Variants in SLC25A12 observed in about 807,000 individuals in gnomAD.
SLC25A12 encodes the protein electrogenic aspartate/glutamate antiporter SLC25A12, mitochondrial.
A neutral mutation model predicts 83.3 loss-of-function variants in SLC25A12; 32 were observed. The ratio of observed to expected loss-of-function variants is 0.38; its 90% CI spans 0.29 to 0.52. The LOEUF (loss-of-function observed/expected upper bound fraction) is 0.52, where lower values mean the gene tolerates loss of function less well. SLC25A12 is among the 20% of genes least tolerant of loss of function. The pLI is 0.84. For missense variants in SLC25A12, 611 were observed against 835.6 expected (o/e 0.73, Z 3.31); for synonymous variants, 267 against 291.1 (o/e 0.92, Z 0.84).
chr2:171,867,368 G>A (rs1309022627), intron 3 of SLC25A12, among the ~76,000 whole-genome samples: 2 of 151,188 alleles, frequency 1.3e-5, no homozygotes, highest in Non-Finnish European at 3.0e-5. Flanking sequence ...AACCAGACTC[G>A]GTCTGCAATC....
chr2:171,800,301 G>T (rs1038132136), intron 13 of SLC25A12, among the ~76,000 whole-genome samples: 1 of 146,946 alleles, frequency 6.8e-6, no homozygotes. Flanking sequence ...TAAAATGTAC[G>T]CAAAAGACTT....
intron 13 of SLC25A12, among the ~76,000 whole-genome samples, chr2:171,807,007 T>C (rs937659903): frequency 6.6e-6 from 1 of 152,228 alleles, no homozygotes; most frequent in African/African-American, 2.4e-5. Flanking sequence ...AAAGAGAGAC[T>C]CATTCTTTTT....
At chr2:171,789,448 T>C (rs900369846) in intron 15 of SLC25A12, among the ~76,000 whole-genome samples, 24 of 152,104 alleles carry the variant, frequency 1.6e-4, no homozygotes, top group Admixed American at 5.2e-4. Context: ...CAGGATGGTC[T>C]CGATCTCCTG....
chr2:171,822,180 G>A lies in SLC25A12; in HGVS notation c.930+4618C>T, dbSNP rs190907241. Among the ~76,000 whole-genome samples, 136 of 152,234 alleles carry A rather than the reference G, an allele frequency of 8.9e-4. 2 individuals are homozygous for A. Among genetic ancestry groups the A allele is most frequent in the Admixed American group, 5.9e-3 (91 of 15,302 alleles). On this transcript the variant is annotated intron_variant, in intron 9 of 17. Coordinates refer to ENST00000422440, the MANE Select transcript of SLC25A12 (RefSeq NM_003705.5). ...CTTCTACCTAATGGAAGTAGATGAGGGTAGATTAAGCAGTTGTGTCACATA... is the reference window on the plus strand; with the variant it reads ...CTTCTACCTAATGGAAGTAGATGAGAGTAGATTAAGCAGTTGTGTCACATA...
intron 5 of SLC25A12, among the ~76,000 whole-genome samples, chr2:171,838,745 G>A (rs1040372415): frequency 6.6e-6 from 1 of 152,128 alleles, no homozygotes; most frequent in Admixed American, 6.6e-5. Flanking sequence ...TTAAAGATAC[G>A]TATTTGAAGG....
rs2105895662 is a variant in SLC25A12, at chr2:171,844,633, T to C, written c.326-125A>G. 23 of 677,250 alleles carry C rather than the reference T, an allele frequency of 3.4e-5. No individual in the cohort carries two copies. The South Asian group carries it at 4.2e-4, about 12-fold the overall frequency. 42.0% of individuals were successfully genotyped at this position (677,250 alleles called of 1,614,324 possible). A position where few individuals can be genotyped will look rare whatever the true frequency, so the allele number is the denominator to read the frequency against. On this transcript the variant is annotated intron_variant, in intron 4 of 17. Coordinates refer to ENST00000422440, the MANE Select transcript of SLC25A12 (RefSeq NM_003705.5). ...TCAATATCATCTGCTTCTATTAAAA[T>C]AACTGCAATTTTTTTGTGTGCCCAG...
At chr2:171,853,999 T>C (rs1684991994) in intron 4 of SLC25A12, among the ~76,000 whole-genome samples, 1 of 152,246 alleles carries the variant, frequency 6.6e-6, no homozygotes, top group African/African-American at 2.4e-5. Flanking sequence ...CACAGGGCAC[T>C]GTCACTAACT....
chr2:171,830,083 A>G (rs1428536245), intron 8 of SLC25A12, among the ~76,000 whole-genome samples: 4 of 152,256 alleles, frequency 2.6e-5, no homozygotes, highest in South Asian at 2.1e-4. Context: ...AAATATACCA[A>G]TCTGGACCCT....
chr2:171,812,509 A>G (rs1427585967), intron 11 of SLC25A12, among the ~76,000 whole-genome samples: 2 of 152,212 alleles, frequency 1.3e-5, no homozygotes, highest in Admixed American at 6.5e-5. Flanking sequence ...GTGGCGCCCA[A>G]AGAGATTAAA....
chr2:171,844,402 A>G lies in SLC25A12; in HGVS notation c.432T>C (p.His144=), dbSNP rs746259878. 1.2e-6 allele frequency: 2 copies of G among 1,614,102 alleles called. No homozygotes were observed. Among genetic ancestry groups the G allele is most frequent in the Non-Finnish European group, 8.5e-7 (1 of 1,179,986 alleles). The change falls in exon 5 of 18, where the codon CAT becomes CAC. Residue 144 remains histidine, a synonymous_variant. Coordinates refer to ENST00000422440, the MANE Select transcript of SLC25A12 (RefSeq NM_003705.5). The part of the protein sequence containing the change: ...RLHFGHNRKK[H]LNYTEFTQFL... The stretch of plus-strand genomic sequence containing the variant: ...ACTGCGTGAATTCTGTGTAGTTAAG[A>G]TGCTTCTTCCGGTTATGCCCAAAAT...
chr2:171,864,042 CAAAG>C (rs1300543709), intron 3 of SLC25A12, among the ~76,000 whole-genome samples: 3 of 152,226 alleles, frequency 2.0e-5, no homozygotes, highest in African/African-American at 4.8e-5. Context: ...ATCCTGGACT[CAAAG>C]AACTTAGACA....
chr2:171,856,503 A>G (rs13410354), intron 3 of SLC25A12: 1 of 153,658 alleles, frequency 6.5e-6, no homozygotes, highest in African/African-American at 2.4e-5. Context: ...GAACATGTTC[A>G]CTACCACCAC....
At chr2:171,880,019 A>G (rs538919788) in intron 2 of SLC25A12, among the ~76,000 whole-genome samples, 1 of 152,118 alleles carries the variant, frequency 6.6e-6, no homozygotes, top group Non-Finnish European at 1.5e-5. Context: ...TGGTGTTATG[A>G]TTTGGTTAGT....
chr2:171,879,447 C>G (rs753530610), intron 2 of SLC25A12, among the ~76,000 whole-genome samples: 1 of 152,162 alleles, frequency 6.6e-6, no homozygotes, highest in Non-Finnish European at 1.5e-5. Flanking sequence ...ATTTCTAACA[C>G]AGCAGGGAGG....
At chr2:171,876,439 C>T (rs1261386748) in intron 2 of SLC25A12, among the ~76,000 whole-genome samples, 1 of 150,692 alleles carries the variant, frequency 6.6e-6, no homozygotes, top group Non-Finnish European at 1.5e-5. Context: ...TACCCACAGT[C>T]AGTCAAAAAT....
At chr2:171,889,763 T>C (rs1462801445) in intron 2 of SLC25A12, among the ~76,000 whole-genome samples, 1 of 152,196 alleles carries the variant, frequency 6.6e-6, no homozygotes, top group Admixed American at 6.5e-5. Flanking sequence ...AGTAGTATTA[T>C]GTAAGGGTTA....
intron 13 of SLC25A12, among the ~76,000 whole-genome samples, chr2:171,804,525 T>C (rs1432722388): frequency 6.6e-6 from 1 of 152,102 alleles, no homozygotes; most frequent in African/African-American, 2.4e-5. Context: ...CCTCCCAAAG[T>C]GCTGGAATTA....
At chr2:171,847,091 G>A (rs918985666) in intron 4 of SLC25A12, among the ~76,000 whole-genome samples, 3 of 152,012 alleles carry the variant, frequency 2.0e-5, no homozygotes, top group African/African-American at 7.3e-5. Flanking sequence ...ATATGGTTTT[G>A]TTATGATCAT....
chr2:171,791,412 T>G, intron 15 of SLC25A12, 39 bp downstream of exon 15: 2 of 1,552,440 alleles, frequency 1.3e-6, no homozygotes, highest in East Asian at 2.2e-5. Flanking sequence ...TTTTAAATAA[T>G]GGGAGAATTC....
Sources: allele counts gnomAD v4.1 joint callset (sites outside exome capture counted in the v4.1 genomes callset), GRCh38; gene constraint gnomAD v4.1.1; transcripts MANE v1.5; gene names NCBI Gene and HGNC (gene_info 2026-07-23, HGNC 2026-07-21).